The following KATNIP variants were observed in gnomAD, a reference collection of about 807,000 sequenced individuals.
The protein encoded by KATNIP is katanin interacting protein, also known as katanin-interacting protein.
In KATNIP, 126 loss-of-function variants were observed where a neutral mutation model predicts 174.0. That is an observed-to-expected ratio of 0.72 (90% CI 0.63 to 0.84). The LOEUF is 0.84. KATNIP is among the 40% of genes least tolerant of loss of function. The probability of loss-of-function intolerance (pLI) is 0.00; values close to 1 mark genes in which losing one functional copy is unlikely to be tolerated. For synonymous variants in KATNIP, 810 were observed against 835.7 expected (o/e 0.97, Z 0.53); for missense variants, 1,958 against 2,109.7 (o/e 0.93, Z 1.41).
chr16:27,740,604 G>A lies in KATNIP; in HGVS notation c.2307G>A (p.Arg769=). 3.1e-6 allele frequency: 5 copies of A among 1,614,210 alleles called. No homozygotes were observed. The highest frequency in any genetic ancestry group is 4.2e-6 in the Non-Finnish European group (5 of 1,180,036). Residue 769 remains arginine (R), a synonymous_variant, in exon 15 of 28, where the codon AGG becomes AGA. Transcript: ENST00000261588. ...GCAAGGACAGGAAGCAGGGAGGCAG[G>A]AAGCCAAAACCCCTCTGGCTTAGTC... is the stretch of plus-strand genomic sequence containing the variant. The part of the protein sequence containing the change: ...PTGKDRKQGG[R]KPKPLWLSPE...
At chr16:27,656,523 A>C (rs946899846) in intron 6 of KATNIP, among the ~76,000 whole-genome samples, 4 of 151,890 alleles carry the variant, frequency 2.6e-5, no homozygotes, top group African/African-American at 9.7e-5. Flanking sequence ...ACAATAGCAA[A>C]GACTTGGAAC....
rs150905904 is a variant in KATNIP at position 27,696,410 on chromosome 16, A to T, written c.941-1918A>T. Among the ~76,000 whole-genome samples, 1,037 of 152,280 alleles carry T rather than the reference A, an allele frequency of 6.8e-3. 11 individuals are homozygous for T. Among genetic ancestry groups the T allele is most frequent in the Admixed American group, 0.012 (179 of 15,284 alleles). On this transcript the variant is annotated intron_variant, in intron 8 of 27. Coordinates refer to ENST00000261588, the MANE Select transcript of KATNIP (RefSeq NM_015202.5). Reference sequence around the variant, plus strand: ...GTTACATAGGTCAACTGCATGTCACAGGGATTTGGTATACAGATAATTTCA... The same window carrying T: ...GTTACATAGGTCAACTGCATGTCACTGGGATTTGGTATACAGATAATTTCA...
chr16:27,641,316 C>A (rs1001206084), intron 5 of KATNIP, among the ~76,000 whole-genome samples: 5 of 152,014 alleles, frequency 3.3e-5, no homozygotes, highest in Admixed American at 6.6e-5. Flanking sequence ...TTCTTCATCT[C>A]TCAACCCCCC....
intron 5 of KATNIP, among the ~76,000 whole-genome samples, chr16:27,645,265 C>A (rs2076925137): frequency 6.6e-6 from 1 of 152,216 alleles, no homozygotes; most frequent in Non-Finnish European, 1.5e-5. Flanking sequence ...CGAGGGCTCA[C>A]CTGCGTCACT....
intron 1 of KATNIP, among the ~76,000 whole-genome samples, chr16:27,572,362 A>AACACACACACACACACACACACAC (rs3056269): frequency 2.2e-5 from 3 of 138,058 alleles, no homozygotes; most frequent in East Asian, 2.2e-4. Context: ...CAAAAAAGAA[A>AACACACACACACACACACACACAC]ACACACACAC....
intron 27 of KATNIP, among the ~76,000 whole-genome samples, 154 bp downstream of exon 27, chr16:27,778,123 T>C (rs917190693): frequency 6.6e-6 from 1 of 152,150 alleles, no homozygotes; most frequent in African/African-American, 2.4e-5. Context: ...AGGGAGGGAC[T>C]GAAGAGGATG....
intron 18 of KATNIP, chr16:27,754,866 C>A (rs2081656847): frequency 6.6e-6 from 1 of 152,264 alleles, no homozygotes; most frequent in African/African-American, 2.4e-5. Flanking sequence ...TATTGTGTAT[C>A]TGGCCAGCTG....
At position 27,552,728 on chromosome 16, in the gene KATNIP, G is replaced by A. The variant is rs115881959; in HGVS notation, c.7+2551G>A. 7.3e-3 allele frequency among the ~76,000 whole-genome samples: 848 copies of A among 115,614 alleles called. 7 individuals are homozygous for A. Among genetic ancestry groups the A allele is most frequent in the African/African-American group, 0.027 (801 of 29,512 alleles). The allele number at this position is 115,614 out of a possible 152,430, so 75.8% of individuals were successfully genotyped here. On this transcript the variant is annotated intron_variant, in intron 1 of 27. Transcript: ENST00000261588. ...TTTTTTTTGAGACGGGAGTTTTGCC[G>A]TCGTTGCCCAGGCTGGAGTGCAATG...
At chr16:27,772,728 T>A (rs139157026) in intron 22 of KATNIP, among the ~76,000 whole-genome samples, 202 of 152,318 alleles carry the variant, frequency 1.3e-3, no homozygotes, top group African/African-American at 4.1e-3. Flanking sequence ...AATCAGTTTG[T>A]GACACAGATG....
At chr16:27,652,378 G>A (rs73535035) in intron 6 of KATNIP, among the ~76,000 whole-genome samples, 1 of 152,202 alleles carries the variant, frequency 6.6e-6, no homozygotes, top group African/African-American at 2.4e-5. Flanking sequence ...TAAGTTTGAG[G>A]GGAAACCATC....
chr16:27,620,374 A>G (rs1208657760), intron 3 of KATNIP, among the ~76,000 whole-genome samples: 1 of 152,168 alleles, frequency 6.6e-6, no homozygotes, highest in Non-Finnish European at 1.5e-5. Context: ...ACCTCAACCC[A>G]TCATTTTACT....
chr16:27,559,500 GGT>G (rs1314857893), intron 1 of KATNIP, among the ~76,000 whole-genome samples: 1 of 151,458 alleles, frequency 6.6e-6, no homozygotes, highest in South Asian at 2.1e-4. Flanking sequence ...TGGGCAACAC[GGT>G]GAGACCCCAC....
intron 6 of KATNIP, among the ~76,000 whole-genome samples, chr16:27,651,069 G>A (rs1302760122): frequency 2.0e-5 from 3 of 152,124 alleles, no homozygotes; most frequent in South Asian, 4.2e-4. Flanking sequence ...CAAGCAAGAG[G>A]CCATGGTAGT....
Position 27,752,026 on chromosome 16 carries a change from C to T in KATNIP, c.3552+102C>T, listed in dbSNP as rs189731005. 46 of 829,798 alleles carry T rather than the reference C, an allele frequency of 5.5e-5. No individual in the cohort carries two copies. The East Asian group carries it at 9.8e-4, about 18-fold the overall frequency. The allele number at this position is 829,798 out of a possible 1,614,324, so 51.4% of individuals were successfully genotyped here. ...ATTAAGATGGATATCCTTTAAGCTG[C>T]TGGTGCCACTGTGTTGACATTTCCC... On this transcript the variant is annotated intron_variant, in intron 17 of 27. Coordinates refer to ENST00000261588, the MANE Select transcript of KATNIP (RefSeq NM_015202.5).
intron 7 of KATNIP, among the ~76,000 whole-genome samples, chr16:27,678,242 A>G (rs1276090555): frequency 6.6e-6 from 1 of 152,228 alleles, no homozygotes; most frequent in Non-Finnish European, 1.5e-5. Flanking sequence ...GTACACTGTA[A>G]GATGTTTTGC....
intron 1 of KATNIP, among the ~76,000 whole-genome samples, chr16:27,569,963 G>A (rs180720034): frequency 1.3e-5 from 2 of 151,998 alleles, no homozygotes; most frequent in Admixed American, 1.3e-4. Context: ...ACCTAGGCTG[G>A]TCTTGAACTC....
At chr16:27,693,576 A>T (rs2078811027) in intron 8 of KATNIP, among the ~76,000 whole-genome samples, 1 of 151,960 alleles carries the variant, frequency 6.6e-6, no homozygotes. Context: ...TTTAGTAGAG[A>T]TGGGGTTTTA....
At chr16:27,754,078 T>A in intron 17 of KATNIP, 95 bp from the exon 18 acceptor site, 1 of 963,806 alleles carries the variant, frequency 1.0e-6, no homozygotes, top group Non-Finnish European at 1.7e-6. Context: ...GGGCATAGGG[T>A]GGGCAGTGGT....
chr16:27,667,611 A>G (rs568273708), intron 6 of KATNIP, among the ~76,000 whole-genome samples: 1 of 152,258 alleles, frequency 6.6e-6, no homozygotes, highest in African/African-American at 2.4e-5. Flanking sequence ...TTCTGCCTGC[A>G]TGTCAGTGAT....
Sources: allele counts gnomAD v4.1 joint callset (sites outside exome capture counted in the v4.1 genomes callset), GRCh38; gene constraint gnomAD v4.1.1; transcripts MANE v1.5; gene names NCBI Gene and HGNC (gene_info 2026-07-23, HGNC 2026-07-21).